DAPK1: variants seen among roughly 807,000 people sequenced by gnomAD.
DAPK1 encodes the protein death associated protein kinase 1.
Under a neutral mutation model 144.9 loss-of-function variants are expected in DAPK1, and 56 were observed. The ratio of observed to expected loss-of-function variants is 0.39; its 90% CI spans 0.31 to 0.48. The LOEUF is 0.48. Ranked by LOEUF, DAPK1 falls within the 20% of genes least tolerant of loss-of-function variation. DAPK1 has a pLI of 0.95. For synonymous variants in DAPK1, 690 were observed against 749.0 expected, an observed-to-expected ratio of 0.92 and a Z score of 1.29; for missense variants, 1,454 against 1,875.4, an observed-to-expected ratio of 0.78 and a Z score of 4.15.
intron 2 of DAPK1, among the ~76,000 whole-genome samples, chr9:87,603,379 C>A (rs1485976895): frequency 6.6e-6 from 1 of 152,172 alleles, no homozygotes; most frequent in Non-Finnish European, 1.5e-5. Flanking sequence ...GCAGTCGGTG[C>A]TGGCATTCCA....
intron 19 of DAPK1, among the ~76,000 whole-genome samples, chr9:87,678,511 C>T (rs1012043207): frequency 6.6e-6 from 1 of 152,156 alleles, no homozygotes; most frequent in Non-Finnish European, 1.5e-5. Context: ...GTCCAGAAAT[C>T]GGAGACAGCA....
intron 19 of DAPK1, among the ~76,000 whole-genome samples, chr9:87,671,538 C>A (rs537112807): frequency 1.3e-5 from 2 of 150,810 alleles, no homozygotes; most frequent in South Asian, 2.1e-4. Context: ...TCTTGCTCTG[C>A]GGCTCAGGCT....
chr9:87,604,741 T>C (rs1828651478), intron 2 of DAPK1, among the ~76,000 whole-genome samples: 1 of 152,168 alleles, frequency 6.6e-6, no homozygotes, highest in South Asian at 2.1e-4. Flanking sequence ...AAATATACTT[T>C]AAAAGTTTAT....
intron 17 of DAPK1, among the ~76,000 whole-genome samples, chr9:87,656,083 C>G (rs1830617467): frequency 6.6e-6 from 1 of 152,194 alleles, no homozygotes; most frequent in Non-Finnish European, 1.5e-5. Context: ...AGCAACAATT[C>G]AGATATTAAA....
chr9:87,655,187 G>A lies in DAPK1; in HGVS notation c.1825-2842G>A, dbSNP rs3793655. Among the ~76,000 whole-genome samples the A allele has an allele frequency of 2.6e-4, 40 of 152,274 alleles. 1 individual carries two copies. The East Asian group carries it at 4.6e-3, about 18-fold the overall frequency. ...GGAATTAGCAGCAAAATTCAGACCC[G>A]TAATTCAGAGCCCATCTGGACAGAA... On this transcript the variant is annotated intron_variant, in intron 17 of 25. Coordinates refer to ENST00000408954, the MANE Select transcript of DAPK1 (RefSeq NM_004938.4).
At chr9:87,640,022 A>C (rs921054553) in intron 7 of DAPK1, among the ~76,000 whole-genome samples, 2 of 152,222 alleles carry the variant, frequency 1.3e-5, no homozygotes, top group African/African-American at 4.8e-5. Context: ...ACTGTAGCAT[A>C]ATCACTGAAA....
chr9:87,597,475 G>C (rs1292724802), intron 2 of DAPK1, among the ~76,000 whole-genome samples: 2 of 152,184 alleles, frequency 1.3e-5, no homozygotes, highest in Admixed American at 6.5e-5. Flanking sequence ...TCAAGGAGAA[G>C]TTTGGTGCTG....
chr9:87,682,944 TTTG>T (rs1824694979), intron 20 of DAPK1, among the ~76,000 whole-genome samples: 1 of 152,182 alleles, frequency 6.6e-6, no homozygotes, highest in South Asian at 2.1e-4. Context: ...GTGTGATTTT[TTTG>T]TTTTTTGTCT....
chr9:87,639,709 T>C lies in DAPK1; in HGVS notation c.602+11T>C. Reference sequence around the variant, plus strand: ...TGAGGCAGATATGTGGTAAGGAGTATGTCCTTGGTGTTGTTTGCTTTCTGA... The same window carrying C: ...TGAGGCAGATATGTGGTAAGGAGTACGTCCTTGGTGTTGTTTGCTTTCTGA... On this transcript the variant is annotated intron_variant, in intron 6 of 25. Transcript: ENST00000408954. 6.2e-7 allele frequency: 1 copy of C among 1,613,850 alleles called. No homozygotes were observed. Among genetic ancestry groups the C allele is most frequent in the Non-Finnish European group, 8.5e-7 (1 of 1,179,680 alleles).
At chr9:87,597,340 G>A (rs1048308286) in intron 2 of DAPK1, among the ~76,000 whole-genome samples, 3 of 152,168 alleles carry the variant, frequency 2.0e-5, no homozygotes, top group Admixed American at 6.5e-5. Flanking sequence ...AGGGGCCTTT[G>A]AGGACCAAAG....
At chr9:87,577,855 G>GAA (rs1247369205) in intron 2 of DAPK1, among the ~76,000 whole-genome samples, 1 of 152,050 alleles carries the variant, frequency 6.6e-6, no homozygotes, top group Non-Finnish European at 1.5e-5. Flanking sequence ...AACCAGGATC[G>GAA]AAAAATTCTG....
At chr9:87,608,191 C>T (rs1217459108) in intron 3 of DAPK1, among the ~76,000 whole-genome samples, 3 of 152,194 alleles carry the variant, frequency 2.0e-5, no homozygotes, top group African/African-American at 4.8e-5. Context: ...GATGGAGGCA[C>T]GGAGCCAAAC....
chr9:87,683,513 G>A (rs1407405633), intron 20 of DAPK1, among the ~76,000 whole-genome samples: 2 of 151,440 alleles, frequency 1.3e-5, no homozygotes, highest in Non-Finnish European at 3.0e-5. Flanking sequence ...TGGGATATGA[G>A]AGAGAGAGAG....
Position 87,526,148 on chromosome 9 carries a change from T to TA in DAPK1, c.62+27022dup, listed in dbSNP as rs56046499. Among the ~76,000 whole-genome samples the TA allele has an allele frequency of 8.8e-3, 1,248 of 141,346 alleles. 8 individuals are homozygous for TA. Among genetic ancestry groups the TA allele is most frequent in the Non-Finnish European group, 0.01 (647 of 64,600 alleles). 92.7% of individuals were successfully genotyped at this position (141,346 alleles called of 152,430 possible). ...TGTAGCAAGACCCTGTCTCTACAAT[T>TA]AAAAAAAAAAAAACAGAAGGAAAAA... On this transcript the variant is annotated intron_variant, in intron 2 of 25. Coordinates refer to ENST00000408954, the MANE Select transcript of DAPK1 (RefSeq NM_004938.4).
intron 17 of DAPK1, among the ~76,000 whole-genome samples, chr9:87,653,218 T>C (rs1329218268): frequency 4.5e-5 from 6 of 132,674 alleles, no homozygotes; most frequent in Admixed American, 7.3e-5. Context: ...GATTCTGTGT[T>C]CTGTCACCTG....
rs1824877633 is a variant in DAPK1, at chr9:87,686,768, C to A, written c.2413+29C>A. ...TGCCCTGCCTGCCCCAAGGGAAGGA[C>A]CTCAGGTTTCCCTTCAACAGGGTTG... On this transcript the variant is annotated intron_variant, in intron 21 of 25. Transcript: ENST00000408954. The surrounding 1 kb of genome is among the most constrained non-coding windows in gnomAD (Gnocchi z 4.2). 1.3e-6 allele frequency: 2 copies of A among 1,532,214 alleles called. No homozygotes were observed. Among genetic ancestry groups the A allele is most frequent in the Non-Finnish European group, 1.8e-6 (2 of 1,111,402 alleles). The allele number at this position is 1,532,214 out of a possible 1,614,324, so 94.9% of individuals were successfully genotyped here. A position where few individuals can be genotyped will look rare whatever the true frequency, so the allele number is the denominator to read the frequency against.
upstream of DAPK1, chr9:87,497,645 T>G: frequency 1.2e-5 from 2 of 162,828 alleles, no homozygotes; most frequent in Non-Finnish European, 1.3e-5. Context: ...CCGGCGTGGG[T>G]GTGGGGCGAG....
chr9:87,586,335 G>A (rs1827941479), intron 2 of DAPK1, among the ~76,000 whole-genome samples: 1 of 152,064 alleles, frequency 6.6e-6, no homozygotes, highest in African/African-American at 2.4e-5. Flanking sequence ...GTTTGCATTT[G>A]TGGCTTGTAT....
chr9:87,534,921 AG>A (rs1002273825), intron 2 of DAPK1, among the ~76,000 whole-genome samples: 10 of 152,140 alleles, frequency 6.6e-5, no homozygotes, highest in African/African-American at 2.4e-4. Context: ...CTGGGATTAC[AG>A]GGATGAGCCA....
Sources: gnomAD v4.1 joint callset for allele counts (sites outside exome capture counted in the v4.1 genomes callset) on GRCh38, gnomAD v4.1.1 for gene constraint, Gnocchi (gnomAD v3.1) non-coding constraint, MANE v1.5 for transcripts, NCBI Gene and HGNC (gene_info 2026-07-23, HGNC 2026-07-21) for gene names.